RAB3GAP1: variants seen among roughly 807,000 people sequenced by gnomAD.
RAB3GAP1 encodes rab3 GTPase-activating protein catalytic subunit.
RAB3GAP1 carries 86 observed loss-of-function variants against 130.7 expected under a neutral mutation model. The observed-to-expected ratio is 0.66, with a 90% CI of 0.55 to 0.79. The LOEUF (loss-of-function observed/expected upper bound fraction) is 0.79. RAB3GAP1 is among the 30% of genes least tolerant of loss of function. RAB3GAP1 has a pLI of 0.00. For synonymous variants in RAB3GAP1, 367 were observed against 401.7 expected, an observed-to-expected ratio of 0.91 and a Z score of 1.03; for missense variants, 1,029 against 1,169.4, an observed-to-expected ratio of 0.88 and a Z score of 1.75.
chr2:135,129,277 C>G (rs907643135), intron 11 of RAB3GAP1, among the ~76,000 whole-genome samples: 1 of 151,824 alleles, frequency 6.6e-6, no homozygotes, highest in Non-Finnish European at 1.5e-5. Context: ...ACAGTGAAAC[C>G]CCGTCTCTAC....
chr2:135,060,680 C>G (rs993872529), intron 3 of RAB3GAP1, among the ~76,000 whole-genome samples: 2 of 151,694 alleles, frequency 1.3e-5, no homozygotes, highest in African/African-American at 4.8e-5. Flanking sequence ...CCCATGCCCT[C>G]CAGTCATCTG....
intron 14 of RAB3GAP1, among the ~76,000 whole-genome samples, chr2:135,133,536 A>T (rs2104947921): frequency 6.6e-6 from 1 of 152,214 alleles, no homozygotes; most frequent in South Asian, 2.1e-4. Flanking sequence ...GTTTTTTCAG[A>T]CGTGCTCATT....
chr2:135,155,659 A>G lies in RAB3GAP1; in HGVS notation c.2289+1783A>G, dbSNP rs139045536. ...AGGGGAAAATACAAATTGAAAGTAC[A>G]GAATTTTTGAAAAACAATGAGGATG... On this transcript the variant is annotated intron_variant, in intron 19 of 23. Transcript: ENST00000264158. Among the ~76,000 whole-genome samples, 221 of 152,326 alleles carry G rather than the reference A, an allele frequency of 1.5e-3. 1 individual carries two copies. The highest frequency in any genetic ancestry group is 5.1e-3 in the African/African-American group (214 of 41,590).
intron 17 of RAB3GAP1, among the ~76,000 whole-genome samples, chr2:135,139,987 T>C (rs939963292): frequency 6.6e-6 from 1 of 152,240 alleles, no homozygotes; most frequent in Non-Finnish European, 1.5e-5. Flanking sequence ...TCATACATTG[T>C]GTACTCTTTC....
rs529243486 is a variant in RAB3GAP1 at position 135,162,601 on chromosome 2, A to T, written c.2336A>T (p.His779Leu). 1.2e-6 allele frequency: 2 copies of T among 1,613,994 alleles called. No individual in the cohort carries two copies. The highest frequency in any genetic ancestry group is 1.7e-6 in the Non-Finnish European group (2 of 1,180,016). Residue 779 changes from histidine (H) to leucine (L), a missense_variant, in exon 20 of 24, where the codon CAC becomes CTC. Physicochemically the swap from His to Leu is moderately conservative, Grantham distance 99. Coordinates refer to ENST00000264158, the MANE Select transcript of RAB3GAP1 (RefSeq NM_012233.3). ...AIQKPADLAR[H>L]LLPCVIHAAV... Reference sequence around the variant, plus strand: ...CAGAAACCTGCAGACCTTGCTCGGCACCTGTTACCTTGTGTGATTCATGCA... The same window carrying T: ...CAGAAACCTGCAGACCTTGCTCGGCTCCTGTTACCTTGTGTGATTCATGCA...
rs1445796242 is a variant in RAB3GAP1 at position 135,100,249 on chromosome 2, C to T, written c.362+6556C>T. On this transcript the variant is annotated intron_variant, in intron 5 of 23. Transcript: ENST00000264158. ...ATCATTCTTGTTCTCTTCAGTCTAGCACAGCATAGTCAGTTTTGCAAACAG... is the reference window on the plus strand; with the variant it reads ...ATCATTCTTGTTCTCTTCAGTCTAGTACAGCATAGTCAGTTTTGCAAACAG... 2.6e-5 allele frequency among the ~76,000 whole-genome samples: 4 copies of T among 152,170 alleles called. No individual in the cohort carries two copies. The East Asian group carries it at 7.7e-4, about 29-fold the overall frequency.
In RAB3GAP1 at chr2:135,128,941, G is replaced by A. The variant is rs116410422; in HGVS notation, c.974-1054G>A. On this transcript the variant is annotated intron_variant, in intron 11 of 23. Transcript: ENST00000264158. Reference sequence around the variant, plus strand: ...CGAGGCAGGTGGATTGCTTGAGCCCGGGAGTTTGAGTCCAGCCTTGGCAAC... The same window carrying A: ...CGAGGCAGGTGGATTGCTTGAGCCCAGGAGTTTGAGTCCAGCCTTGGCAAC... Among the ~76,000 whole-genome samples, 1,081 of 152,190 alleles carry A rather than the reference G, an allele frequency of 7.1e-3. 12 individuals carry two copies. Among genetic ancestry groups the A allele is most frequent in the African/African-American group, 0.024 (1,006 of 41,526 alleles).
At chr2:135,108,656 G>A (rs942135310) in intron 5 of RAB3GAP1, among the ~76,000 whole-genome samples, 4 of 151,662 alleles carry the variant, frequency 2.6e-5, no homozygotes, top group African/African-American at 9.7e-5. Context: ...TCATTCTCTT[G>A]ACAGTGTCTT....
intron 5 of RAB3GAP1, among the ~76,000 whole-genome samples, chr2:135,109,341 GT>G (rs1200837430): frequency 3.3e-5 from 5 of 151,996 alleles, no homozygotes; most frequent in Non-Finnish European, 7.4e-5. Flanking sequence ...GTGTGTGGTG[GT>G]ATTGGTGGTG....
intron 3 of RAB3GAP1, among the ~76,000 whole-genome samples, chr2:135,077,831 G>A (rs987395653): frequency 1.3e-5 from 2 of 152,030 alleles, no homozygotes; most frequent in Non-Finnish European, 2.9e-5. Context: ...TGTTCTTATT[G>A]CCTATTTGTC....
intron 17 of RAB3GAP1, among the ~76,000 whole-genome samples, chr2:135,148,396 G>T (rs1265401730): frequency 6.6e-6 from 1 of 151,914 alleles, no homozygotes; most frequent in African/African-American, 2.4e-5. Context: ...TAAAATACAT[G>T]GCTAGAAAAA....
intron 7 of RAB3GAP1, 44 bp from the exon 8 acceptor site, chr2:135,120,775 G>A (rs1376605981): frequency 7.5e-7 from 1 of 1,331,520 alleles, no homozygotes; most frequent in Non-Finnish European, 1.1e-6. Context: ...ATATGAAAAG[G>A]GTACCAGCAT....
Position 135,052,501 on chromosome 2 carries a change from T to A in RAB3GAP1, c.74+16T>A. 2.5e-6 allele frequency: 4 copies of A among 1,613,098 alleles called. No homozygotes were observed. The highest frequency in any genetic ancestry group is 2.5e-6 in the Non-Finnish European group (3 of 1,180,026). ...AATGGGAAAGGTGAGTGAATCGCAT[T>A]TTTGGTTACCAGCTCCCATGGGCCC... On this transcript the variant is annotated intron_variant, in intron 2 of 23. Transcript: ENST00000264158.
At chr2:135,076,399 A>G (rs1338254024) in intron 3 of RAB3GAP1, among the ~76,000 whole-genome samples, 1 of 152,132 alleles carries the variant, frequency 6.6e-6, no homozygotes, top group Non-Finnish European at 1.5e-5. Context: ...TTCTAATATA[A>G]CAGACTAAAA....
chr2:135,151,136 T>G (rs2104978974), intron 18 of RAB3GAP1, among the ~76,000 whole-genome samples: 1 of 152,346 alleles, frequency 6.6e-6, no homozygotes, highest in Admixed American at 6.5e-5. Flanking sequence ...AATGGTGACA[T>G]TTGGCTTATT....
chr2:135,072,684 G>C (rs1689512461), intron 3 of RAB3GAP1, among the ~76,000 whole-genome samples: 1 of 152,028 alleles, frequency 6.6e-6, no homozygotes, highest in Non-Finnish European at 1.5e-5. Context: ...TAAACAATGA[G>C]TTATTTTACT....
At chr2:135,162,413 A>G in intron 19 of RAB3GAP1, 142 bp from the exon 20 acceptor site, 1 of 710,810 alleles carries the variant, frequency 1.4e-6, no homozygotes, top group Non-Finnish European at 2.6e-6. Context: ...CATTATCCTC[A>G]CCTTTGGGGT....
intron 3 of RAB3GAP1, among the ~76,000 whole-genome samples, chr2:135,077,926 TC>T (rs1194386071): frequency 6.6e-6 from 1 of 152,226 alleles, no homozygotes; most frequent in Admixed American, 6.5e-5. Context: ...TTGTAAGACT[TC>T]TTTATATATT....
chr2:135,134,084 A>G (rs1175047441), intron 15 of RAB3GAP1, 51 bp downstream of exon 15: 2 of 1,604,134 alleles, frequency 1.2e-6, no homozygotes, highest in Non-Finnish European at 1.7e-6. Flanking sequence ...TTGTTAGCAG[A>G]CATTTGACTT....
Sources: allele counts gnomAD v4.1 joint callset (sites outside exome capture counted in the v4.1 genomes callset), GRCh38; gene constraint gnomAD v4.1.1; transcripts MANE v1.5; gene names NCBI Gene and HGNC (gene_info 2026-07-23, HGNC 2026-07-21).